Variants in MOK observed in about 807,000 individuals in gnomAD.
MOK encodes MOK protein kinase.
In MOK, 59 loss-of-function variants were observed where a neutral mutation model predicts 54.2. The observed-to-expected ratio is 1.09, with a 90% CI of 0.88 to 1.35. The LOEUF is 1.35. Ranked by LOEUF, MOK falls within the 40% of genes most tolerant of loss-of-function variation. The pLI is 0.00. For missense variants in MOK, 517 were observed against 526.2 expected (o/e 0.98, Z 0.17); for synonymous variants, 210 against 202.7 (o/e 1.04, Z -0.31).
Position 102,235,717 on chromosome 14 carries a change from C to T in MOK, c.591-1928G>A, listed in dbSNP as rs2065161921. The T allele has an allele frequency of 6.6e-6, 1 of 152,214 alleles. No homozygotes were observed. Among genetic ancestry groups the T allele is most frequent in the Admixed American group, 6.5e-5 (1 of 15,286 alleles). 9.4% of individuals were successfully genotyped at this position (152,214 alleles called of 1,614,324 possible). On this transcript the variant is annotated intron_variant, in intron 7 of 11. Coordinates refer to ENST00000361847, the MANE Select transcript of MOK (RefSeq NM_014226.3). The surrounding 1 kb of genome is among the most constrained non-coding windows in gnomAD (Gnocchi z 4.4). ...TCTCCAAAAATACACGCGTGTCGAT[C>T]CCGCCTCCCGGGAAGGAACTATTGT...
At chr14:102,254,729 C>T (rs1369340978) in intron 4 of MOK, among the ~76,000 whole-genome samples, 4 of 152,150 alleles carry the variant, frequency 2.6e-5, no homozygotes, top group Non-Finnish European at 5.9e-5. Flanking sequence ...CTAACTAGAG[C>T]CCCAGGTGCA....
At chr14:102,266,538 C>T (rs2073901922) in intron 2 of MOK, among the ~76,000 whole-genome samples, 1 of 152,100 alleles carries the variant, frequency 6.6e-6, no homozygotes, top group African/African-American at 2.4e-5. Flanking sequence ...GCGTGAGCCA[C>T]TGTGCCCGGC....
chr14:102,255,285 T>A (rs1471979453), intron 4 of MOK, among the ~76,000 whole-genome samples: 1 of 152,108 alleles, frequency 6.6e-6, no homozygotes, highest in Non-Finnish European at 1.5e-5. Context: ...GCCACTGTAC[T>A]CCAGCCTGGG....
chr14:102,274,627 T>C (rs530597040), intron 2 of MOK, among the ~76,000 whole-genome samples: 1 of 151,756 alleles, frequency 6.6e-6, no homozygotes, highest in Non-Finnish European at 1.5e-5. Flanking sequence ...ATTGAGCTGA[T>C]TCTAAAATGT....
intron 1 of MOK, among the ~76,000 whole-genome samples, chr14:102,297,290 G>A (rs1240318143): frequency 6.7e-6 from 1 of 148,564 alleles, no homozygotes; most frequent in Admixed American, 6.7e-5. Context: ...CCCAGGAGGC[G>A]GAGCTCACAG....
intron 2 of MOK, among the ~76,000 whole-genome samples, chr14:102,276,345 C>T (rs886378236): frequency 1.4e-4 from 22 of 151,960 alleles, no homozygotes; most frequent in Admixed American, 7.9e-4. Context: ...AAAAATTAGC[C>T]GGGCGTGGTG....
At chr14:102,239,096 T>G (rs79870009) in intron 7 of MOK, among the ~76,000 whole-genome samples, 2,762 of 152,238 alleles carry the variant, frequency 0.018, 76 homozygotes, top group African/African-American at 0.063. Context: ...TCTCCCTCGC[T>G]CCAATCAATC....
At position 102,249,150 on chromosome 14, in the gene MOK, C is replaced by T. The variant is rs2066335440; in HGVS notation, c.590+1662G>A. ...CTCCCTTGTGCTTGACCTTTTGTTT[C>T]CACTTTACCAATAGGTCCGACATGT... On this transcript the variant is annotated intron_variant, in intron 7 of 11. Transcript: ENST00000361847. This position sits in a 1 kb window ranked among gnomAD's most constrained non-coding sequence, Gnocchi z 5.3. Among the ~76,000 whole-genome samples the T allele has an allele frequency of 1.3e-5, 2 of 152,110 alleles. No homozygotes were observed. Among genetic ancestry groups the T allele is most frequent in the South Asian group, 4.1e-4 (2 of 4,826 alleles).
At chr14:102,258,046 C>T (rs1490035317) in intron 4 of MOK, among the ~76,000 whole-genome samples, 2 of 151,754 alleles carry the variant, frequency 1.3e-5, no homozygotes, top group East Asian at 1.9e-4. Flanking sequence ...CATCTAAGCA[C>T]GTGATCACTT....
At chr14:102,259,454 T>C (rs1050417814) in intron 4 of MOK, among the ~76,000 whole-genome samples, 1 of 152,166 alleles carries the variant, frequency 6.6e-6, no homozygotes, top group Non-Finnish European at 1.5e-5. Flanking sequence ...GCTTAATGCT[T>C]AGGATTTCAG....
At chr14:102,229,948 T>C in intron 10 of MOK, 1 of 402,032 alleles carries the variant, frequency 2.5e-6, no homozygotes, top group Non-Finnish European at 4.4e-6. Flanking sequence ...TCCTGCCTCC[T>C]GCTCTAGCTC....
rs370364818 is a variant in MOK at position 102,283,587 on chromosome 14, T to C, written c.13A>G (p.Lys5Glu). 1.1e-5 allele frequency: 17 copies of C among 1,594,964 alleles called. No individual in the cohort carries two copies. In the African/African-American group the frequency reaches 2.2e-4, roughly 20 times the overall value. MKNY[K>E]AIGKIGEGTF... ...CCCTCTCCTATTTTGCCAATTGCTT[T>C]ATAGTCTATAAATAAAAATGATTAC... is the stretch of plus-strand genomic sequence containing the variant. The change falls in exon 2 of 12, where the codon AAA (lysine) becomes GAA (glutamate). Residue 5 changes from lysine to glutamate, a missense_variant. By Grantham distance (56) the Lys-to-Glu change is moderately conservative (BLOSUM62 1). Transcript: ENST00000361847.
In MOK at chr14:102,249,902, C is replaced by T. The variant is rs1054545595; in HGVS notation, c.590+910G>A. 5.3e-5 allele frequency among the ~76,000 whole-genome samples: 8 copies of T among 152,084 alleles called. No individual in the cohort carries two copies. The highest frequency in any genetic ancestry group is 1.0e-4 in the Non-Finnish European group (7 of 68,026). The stretch of plus-strand genomic sequence containing the variant: ...ACAGCTCCAAGTGGGGAGATGAGTG[C>T]CTCAGCCCAGTTTGGTGGCTGGTGC... On this transcript the variant is annotated intron_variant, in intron 7 of 11. Transcript: ENST00000361847. The surrounding 1 kb of genome is among the most constrained non-coding windows in gnomAD (Gnocchi z 5.3).
At chr14:102,242,720 C>T (rs111578813) in intron 7 of MOK, among the ~76,000 whole-genome samples, 3,904 of 152,214 alleles carry the variant, frequency 0.026, 75 homozygotes, top group Non-Finnish European at 0.042. Flanking sequence ...GTCCAAAAAC[C>T]GGACAAGTCT....
intron 4 of MOK, among the ~76,000 whole-genome samples, chr14:102,261,374 G>A (rs1388068472): frequency 3.3e-4 from 29 of 87,518 alleles, no homozygotes; most frequent in Non-Finnish European, 4.6e-4. Context: ...AGCTGAGATC[G>A]CGCCACGTCT....
chr14:102,281,680 A>G (rs919490654), intron 2 of MOK, among the ~76,000 whole-genome samples: 2 of 151,714 alleles, frequency 1.3e-5, no homozygotes, highest in Non-Finnish European at 2.9e-5. Context: ...CCTGTGCTCT[A>G]GCAATCCTCC....
chr14:102,269,771 C>T (rs377642192), intron 2 of MOK, among the ~76,000 whole-genome samples: 23 of 152,120 alleles, frequency 1.5e-4, no homozygotes, highest in African/African-American at 5.5e-4. Context: ...CTGTGCCTGG[C>T]CTAAATGAGA....
At position 102,231,681 on chromosome 14, in the gene MOK, T is replaced by C; in HGVS notation, c.981+26A>G. The C allele has an allele frequency of 6.2e-7, 1 of 1,600,052 alleles. No individual in the cohort carries two copies. The highest frequency in any genetic ancestry group is 8.5e-7 in the Non-Finnish European group (1 of 1,169,806). ...ATCCAGTCCCGGCTGAGCTAGGCAG[T>C]CTCCGGCTCCGATTTCGCTTAGTAC... On this transcript the variant is annotated intron_variant, in intron 10 of 11. Transcript: ENST00000361847. This position sits in a 1 kb window ranked among gnomAD's most constrained non-coding sequence, Gnocchi z 4.4.
At chr14:102,300,205 T>C (rs991595838) in intron 1 of MOK, among the ~76,000 whole-genome samples, 1 of 151,144 alleles carries the variant, frequency 6.6e-6, no homozygotes, top group East Asian at 2.0e-4. Context: ...GCACCTGTAA[T>C]CCCAGCTATT....
Sources: gnomAD v4.1 joint callset for allele counts (sites outside exome capture counted in the v4.1 genomes callset) on GRCh38, gnomAD v4.1.1 for gene constraint, Gnocchi (gnomAD v3.1) non-coding constraint, MANE v1.5 for transcripts, NCBI Gene and HGNC (gene_info 2026-07-23, HGNC 2026-07-21) for gene names.